The following MYO15A variants were observed in gnomAD, a reference collection of about 807,000 sequenced individuals.
MYO15A encodes the protein unconventional myosin-XV.
In MYO15A, 308 loss-of-function variants were observed where a neutral mutation model predicts 394.6. That is an observed-to-expected ratio of 0.78 (90% CI 0.71 to 0.86). MYO15A has a LOEUF of 0.86. MYO15A is among the 40% of genes least tolerant of loss of function. The probability of loss-of-function intolerance (pLI) is 0.00; values close to 1 mark genes in which losing one functional copy is unlikely to be tolerated. For missense variants in MYO15A, 4,606 were observed against 4,799.1 expected, an observed-to-expected ratio of 0.96 and a Z score of 1.19; for synonymous variants, 1,957 against 2,003.8, an observed-to-expected ratio of 0.98 and a Z score of 0.62.
At position 18,162,687 on chromosome 17, in the gene MYO15A, T is replaced by C. The variant is rs2046794229; in HGVS notation, c.9612+8T>C. On this transcript the variant is annotated splice_region_variant and intron_variant, in intron 58 of 65. Coordinates refer to ENST00000647165, the MANE Select transcript of MYO15A (RefSeq NM_016239.4). The stretch of plus-strand genomic sequence containing the variant: ...GAGCTTCGGGCCATGTTGGTGAGCA[T>C]AGGGTGGGAGTGGGTTCAAAATGAA... The C allele has an allele frequency of 1.2e-6, 2 of 1,613,372 alleles. No individual in the cohort carries two copies. Among genetic ancestry groups the C allele is most frequent in the Non-Finnish European group, 1.7e-6 (2 of 1,179,596 alleles).
At chr17:18,144,621 A>G (rs1446896690) in intron 29 of MYO15A, 29 bp downstream of exon 29, 1 of 1,604,032 alleles carries the variant, frequency 6.2e-7, no homozygotes. Flanking sequence ...CCCACCTTCT[A>G]ATTCTTAGCC....
At chr17:18,111,930 T>C (rs2045727007) in intron 1 of MYO15A, among the ~76,000 whole-genome samples, 1 of 152,218 alleles carries the variant, frequency 6.6e-6, no homozygotes, top group African/African-American at 2.4e-5. Flanking sequence ...GAATGAGACC[T>C]GACCCAGAGC....
rs189255177 is a variant in MYO15A at position 18,120,352 on chromosome 17, G to A, written c.1552G>A (p.Glu518Lys). Residue 518 changes from glutamate to lysine, a missense_variant, in exon 2 of 66, where the codon GAG becomes AAG. This residue lies in a region of MYO15A where 1,830 missense variants were observed against 1,689.7 expected (regional missense o/e 1.08). Coordinates refer to ENST00000647165, the MANE Select transcript of MYO15A (RefSeq NM_016239.4). ...TGCGGACGAAGAAGAGGACGAGGAG[G>A]AGCTGCCCCCGGTTTCCGCTGTGCC... ...GDADEEEDEE[E>K]LPPVSAVPYG... is the part of the protein sequence containing the mutation. 335 of 1,612,248 alleles carry A rather than the reference G, an allele frequency of 2.1e-4. 3 individuals carry two copies. The Admixed American group carries it at 5.3e-3, about 25-fold the overall frequency.
chr17:18,141,540 CCACCA>C lies in MYO15A; in HGVS notation c.5532-111_5532-107del, dbSNP rs1294894812. 69 of 985,568 alleles carry C rather than the reference CCACCA, an allele frequency of 7.0e-5. 1 individual carries two copies. In the Middle Eastern group the frequency reaches 8.1e-4, roughly 12 times the overall value. The allele number at this position is 985,568 out of a possible 1,614,324, so 61.1% of individuals were successfully genotyped here. A position where few individuals can be genotyped will look rare whatever the true frequency, so the allele number is the denominator to read the frequency against. The stretch of plus-strand genomic sequence containing the variant: ...AGATTAGAATAAACTATTTGTGGAG[CCACCA>C]CTGGGACCAGGCTTTTTGGACACCT... On this transcript the variant is annotated intron_variant, in intron 22 of 65. Coordinates refer to ENST00000647165, the MANE Select transcript of MYO15A (RefSeq NM_016239.4).
chr17:18,119,092 G>T lies in MYO15A; in HGVS notation c.292G>T (p.Ala98Ser), dbSNP rs200827453. ...TQMRMGKKKR[A>S]MKGKKPSFMV... ...GATGCGCATGGGCAAGAAGAAGCGG[G>T]CGATGAAGGGCAAGAAGCCGTCCTT... The change falls in exon 2 of 66, where the codon GCG becomes TCG. Residue 98 changes from alanine (A) to serine (S), a missense_variant. Physicochemically the swap from Ala to Ser is moderately conservative, Grantham distance 99. This residue lies in a region of MYO15A where 1,830 missense variants were observed against 1,689.7 expected (regional missense o/e 1.08). Transcript: ENST00000647165. 8 of 1,611,836 alleles carry T rather than the reference G, an allele frequency of 5.0e-6. No homozygotes were observed. The highest frequency in any genetic ancestry group is 6.8e-6 in the Non-Finnish European group (8 of 1,179,616).
Position 18,138,128 on chromosome 17 carries a change from G to A in MYO15A, c.4889G>A (p.Arg1630His), listed in dbSNP as rs748220188. 21 of 1,612,224 alleles carry A rather than the reference G, an allele frequency of 1.3e-5. No homozygotes were observed. Among genetic ancestry groups the A allele is most frequent in the South Asian group, 7.7e-5 (7 of 91,088 alleles). ...VFQEEQEEYI[R>H]EQIDWQEITF... ...CACTGCCTGCAGGAGGAGTACATCC[G>A]TGAGCAGATAGACTGGCAGGAGATC... The change falls in exon 17 of 66, where the codon CGT becomes CAT. Residue 1630 changes from arginine (R) to histidine (H), a missense_variant. Physicochemically the swap from Arg to His is conservative, Grantham distance 29. Transcript: ENST00000647165.
chr17:18,113,910 A>G (rs1351871056), intron 1 of MYO15A, among the ~76,000 whole-genome samples: 1 of 150,866 alleles, frequency 6.6e-6, no homozygotes, highest in Non-Finnish European at 1.5e-5. Flanking sequence ...TTCCTGCACT[A>G]GCAGGTCCTG....
chr17:18,133,424 C>T, intron 12 of MYO15A, 38 bp downstream of exon 12: 1 of 1,608,130 alleles, frequency 6.2e-7, no homozygotes, highest in East Asian at 2.2e-5. Context: ...GGCCCGCACC[C>T]TCTGGACTTG....
At position 18,117,670 on chromosome 17, in the gene MYO15A, A is replaced by G. The variant is rs1291670438; in HGVS notation, c.-219-912A>G. Reference sequence around the variant, plus strand: ...CTACCTCTTTTAGTGCAGGTTCTCAAAAGTGAGTTAGACTGGCCACCAACC... The same window carrying G: ...CTACCTCTTTTAGTGCAGGTTCTCAGAAGTGAGTTAGACTGGCCACCAACC... On this transcript the variant is annotated intron_variant, in intron 1 of 65. Transcript: ENST00000647165. This position sits in a 1 kb window ranked among gnomAD's most constrained non-coding sequence, Gnocchi z 4.1. Among the ~76,000 whole-genome samples, 9 of 152,176 alleles carry G rather than the reference A, an allele frequency of 5.9e-5. No homozygotes were observed. The highest frequency in any genetic ancestry group is 1.2e-4 in the Non-Finnish European group (8 of 68,024).
rs1227169102 is a variant in MYO15A at position 18,151,822 on chromosome 17, A to G, written c.7788-24A>G. 12 of 1,559,900 alleles carry G rather than the reference A, an allele frequency of 7.7e-6. No homozygotes were observed. The African/African-American group carries it at 1.5e-4, about 19-fold the overall frequency. ...GGAAAGGGAGACTCAGTGTCAACCC[A>G]CCACAGTACTCCAATGCCCACAGGA... is the stretch of plus-strand genomic sequence containing the variant. On this transcript the variant is annotated intron_variant, in intron 40 of 65. Transcript: ENST00000647165.
chr17:18,129,231 C>T (rs1222680828), intron 7 of MYO15A, among the ~76,000 whole-genome samples: 2 of 152,218 alleles, frequency 1.3e-5, no homozygotes, highest in Non-Finnish European at 2.9e-5. Context: ...GAATGCTCTG[C>T]CCTGACTGGC....
At position 18,136,594 on chromosome 17, in the gene MYO15A, C is replaced by T. The variant is rs2046278992; in HGVS notation, c.4687C>T (p.Leu1563=). Residue 1563 remains leucine (L), a synonymous_variant, in exon 15 of 66, where the codon CTG becomes TTG. Transcript: ENST00000647165. ...CATCGCCAAGGTCTTGTATGCACTG[C>T]TGTTCAGCTGGCTCATCACCAGGGT... ...DAIAKVLYAL[L]FSWLITRVNA... is the part of the protein sequence containing the mutation. 2 of 1,614,040 alleles carry T rather than the reference C, an allele frequency of 1.2e-6. No homozygotes were observed. The highest frequency in any genetic ancestry group is 4.5e-5 in the East Asian group (2 of 44,874).
chr17:18,155,038 C>G, intron 45 of MYO15A, 72 bp from the exon 46 acceptor site: 1 of 1,438,522 alleles, frequency 7.0e-7, no homozygotes, highest in Non-Finnish European at 9.6e-7. Flanking sequence ...CCACCTCCCT[C>G]CCTGACATCC....
intron 1 of MYO15A, chr17:18,109,695 C>T (rs965012579): frequency 5.9e-5 from 9 of 152,238 alleles, no homozygotes; most frequent in African/African-American, 2.2e-4. Flanking sequence ...GGGGTCTGCA[C>T]CCTCACTCAG....
chr17:18,175,453 G>C (rs1229770559), intron 65 of MYO15A, among the ~76,000 whole-genome samples: 1 of 151,756 alleles, frequency 6.6e-6, no homozygotes, highest in Non-Finnish European at 1.5e-5. Context: ...ACAATGCCTG[G>C]CTAATTTTTG....
In MYO15A at chr17:18,151,464, A is replaced by G. The variant is rs372860681; in HGVS notation, c.7724A>G (p.Gln2575Arg). Reference protein sequence around the residue: ...NSEHFPQPTQQIKNIVRQYQQ... With the variant: ...NSEHFPQPTQRIKNIVRQYQQ... ...GAGCACTTCCCACAGCCCACACAGCAGATCAAGAATATTGTCAGGCAGTAC... is the reference window on the plus strand; with the variant it reads ...GAGCACTTCCCACAGCCCACACAGCGGATCAAGAATATTGTCAGGCAGTAC... Residue 2575 changes from glutamine to arginine, a missense_variant, in exon 40 of 66, where the codon CAG (glutamine) becomes CGG (arginine). Gln to Arg is a conservative substitution (Grantham distance 43, BLOSUM62 1). Around this residue, in one of 2 missense-constraint regions of MYO15A, gnomAD observed 2,776 missense variants for 3,109.3 expected, o/e 0.89. Transcript: ENST00000647165. 1 of 1,614,184 alleles carries G rather than the reference A, an allele frequency of 6.2e-7. No individual in the cohort carries two copies. Among genetic ancestry groups the G allele is most frequent in the Non-Finnish European group, 8.5e-7 (1 of 1,180,034 alleles).
intron 2 of MYO15A, chr17:18,122,677 C>T (rs1269062284): frequency 2.3e-5 from 12 of 518,044 alleles, no homozygotes; most frequent in African/African-American, 1.5e-4. Context: ...TGTTCATATT[C>T]GGCTTGGGCC....
At chr17:18,127,960 G>C (rs993595143) in intron 7 of MYO15A, among the ~76,000 whole-genome samples, 2 of 151,672 alleles carry the variant, frequency 1.3e-5, no homozygotes, top group Non-Finnish European at 2.9e-5. Flanking sequence ...GGTTGCAATC[G>C]TAAGTGTGGT....
intron 51 of MYO15A, 146 bp from the exon 52 acceptor site, chr17:18,158,377 G>A: frequency 1.5e-6 from 1 of 685,752 alleles, no homozygotes; most frequent in Middle Eastern, 3.9e-4. Context: ...TAAGAACAAC[G>A]GGATGCGGGT....
Sources: allele counts gnomAD v4.1 joint callset (sites outside exome capture counted in the v4.1 genomes callset), GRCh38; gene constraint gnomAD v4.1.1; regional missense constraint gnomAD v4.1.1; non-coding constraint Gnocchi (gnomAD v3.1); transcripts MANE v1.5; gene names NCBI Gene and HGNC (gene_info 2026-07-23, HGNC 2026-07-21).